The following CEP57L1 variants were observed in gnomAD, a reference collection of about 807,000 sequenced individuals.
The protein encoded by CEP57L1 is centrosomal protein 57 like 1, also known as centrosomal protein CEP57L1.
CEP57L1 carries 37 observed loss-of-function variants against 61.0 expected under a neutral mutation model. The ratio of observed to expected loss-of-function variants is 0.61; its 90% CI spans 0.47 to 0.80. CEP57L1 has a LOEUF of 0.80. Ranked by LOEUF, CEP57L1 falls within the 30% of genes least tolerant of loss-of-function variation. The probability of loss-of-function intolerance (pLI) is 0.00; values close to 1 mark genes in which losing one functional copy is unlikely to be tolerated. For synonymous variants in CEP57L1, 137 were observed against 162.3 expected, an observed-to-expected ratio of 0.84 and a Z score of 1.19; for missense variants, 422 against 524.7, an observed-to-expected ratio of 0.80 and a Z score of 1.91.
In CEP57L1 at chr6:109,147,524, T is replaced by C. The variant is rs181445334; in HGVS notation, c.340+587T>C. Among the ~76,000 whole-genome samples the C allele has an allele frequency of 4.3e-4, 66 of 152,318 alleles. 1 individual carries two copies. Among genetic ancestry groups the C allele is most frequent in the Non-Finnish European group, 8.4e-4 (57 of 68,024 alleles). The stretch of plus-strand genomic sequence containing the variant: ...AAGACTTTCTTTTTCCTTTTTACAC[T>C]ACACTCATCCTCATAAACAAGGCTC... On this transcript the variant is annotated intron_variant, in intron 3 of 10. Coordinates refer to ENST00000517392, the MANE Select transcript of CEP57L1 (RefSeq NM_001271852.3).
intron 1 of CEP57L1, among the ~76,000 whole-genome samples, chr6:109,111,782 A>C (rs576556735): frequency 6.6e-6 from 1 of 152,120 alleles, no homozygotes; most frequent in East Asian, 1.9e-4. Context: ...TGAGATAATC[A>C]TGGGTTTTTT....
At chr6:109,152,561 G>A (rs1162733675) in intron 4 of CEP57L1, among the ~76,000 whole-genome samples, 2 of 151,868 alleles carry the variant, frequency 1.3e-5, no homozygotes, top group African/African-American at 4.8e-5. Flanking sequence ...GCTCCCTCAC[G>A]GTTGCCCCTA....
At chr6:109,119,885 A>T (rs1772752511) in intron 1 of CEP57L1, among the ~76,000 whole-genome samples, 2 of 152,196 alleles carry the variant, frequency 1.3e-5, no homozygotes. Flanking sequence ...GTTAAGAAAC[A>T]CTGGATATAA....
intron 1 of CEP57L1, among the ~76,000 whole-genome samples, chr6:109,100,021 G>C (rs1194936292): frequency 6.6e-6 from 1 of 152,126 alleles, no homozygotes; most frequent in African/African-American, 2.4e-5. Context: ...TACTCTTCTT[G>C]TAAATAGACC....
intron 7 of CEP57L1, chr6:109,157,703 G>A (rs1773344242): frequency 1.3e-5 from 2 of 152,310 alleles, no homozygotes; most frequent in African/African-American, 2.4e-5. Context: ...GTGAGCTAAT[G>A]GCTGACCTTG....
intron 1 of CEP57L1, among the ~76,000 whole-genome samples, chr6:109,143,134 T>C (rs911784749): frequency 2.6e-5 from 4 of 152,186 alleles, no homozygotes; most frequent in African/African-American, 9.7e-5. Flanking sequence ...TATAGAGATA[T>C]TGGTGAAACA....
chr6:109,147,284 AG>A lies in CEP57L1; in HGVS notation c.340+348del, dbSNP rs1772072702. Among the ~76,000 whole-genome samples, 2 of 152,100 alleles carry A rather than the reference AG, an allele frequency of 1.3e-5. 1 individual carries two copies. Among genetic ancestry groups the A allele is most frequent in the South Asian group, 4.1e-4 (2 of 4,834 alleles). Reference sequence around the variant, plus strand: ...TTTTATTTTATTTATTTGTATTTGCAGTTAACACTAAACTTTAGAATTTGAA... The same window carrying A: ...TTTTATTTTATTTATTTGTATTTGCATTAACACTAAACTTTAGAATTTGAA... On this transcript the variant is annotated intron_variant, in intron 3 of 10. Coordinates refer to ENST00000517392, the MANE Select transcript of CEP57L1 (RefSeq NM_001271852.3).
At chr6:109,104,419 A>C (rs1003666215) in intron 1 of CEP57L1, among the ~76,000 whole-genome samples, 3 of 152,208 alleles carry the variant, frequency 2.0e-5, no homozygotes, top group Admixed American at 1.3e-4. Flanking sequence ...AATTCGGAGA[A>C]GTGGAATTGC....
intron 1 of CEP57L1, among the ~76,000 whole-genome samples, chr6:109,115,462 T>A (rs966885983): frequency 6.6e-6 from 1 of 152,126 alleles, no homozygotes; most frequent in African/African-American, 2.4e-5. Flanking sequence ...AATGGAAAAA[T>A]GTTAACTTTA....
At chr6:109,105,489 T>A (rs1305747982) in intron 1 of CEP57L1, among the ~76,000 whole-genome samples, 2 of 152,208 alleles carry the variant, frequency 1.3e-5, no homozygotes, top group Admixed American at 6.5e-5. Flanking sequence ...AATTCCCACA[T>A]ATGTAAAAGT....
At chr6:109,130,440 C>T (rs1388213124) in intron 1 of CEP57L1, among the ~76,000 whole-genome samples, 2 of 151,992 alleles carry the variant, frequency 1.3e-5, no homozygotes, top group African/African-American at 4.8e-5. Flanking sequence ...ATTAATATTC[C>T]ATTGCTTGTA....
At chr6:109,109,731 T>A (rs1771360044) in intron 1 of CEP57L1, among the ~76,000 whole-genome samples, 2 of 152,180 alleles carry the variant, frequency 1.3e-5, no homozygotes, top group African/African-American at 4.8e-5. Context: ...GATGTTCCCC[T>A]CCCTGTGTCC....
rs1774343768 is a variant in CEP57L1 at position 109,170,353 on chromosome 6, T to C, written c.*7383T>C. Among the ~76,000 whole-genome samples the C allele has an allele frequency of 6.6e-6, 1 of 152,178 alleles. No individual in the cohort carries two copies. The highest frequency in any genetic ancestry group is 2.4e-5 in the African/African-American group (1 of 41,464). ...TTCAACCTGACTTGGCTTAATGTAG[T>C]TAAGTAAATTTTAGGATAGGTTCTA... is the stretch of plus-strand genomic sequence containing the variant. On this transcript the variant is annotated 3_prime_UTR_variant, in exon 11 of 11. Transcript: ENST00000517392.
chr6:109,169,520 A>G lies in CEP57L1; in HGVS notation c.*6550A>G, dbSNP rs188424595. ...ATGTGTTTTACAGATAACAAGTCTC[A>G]TTTTAATCAATACTGTTGCATTTCC... On this transcript the variant is annotated 3_prime_UTR_variant, in exon 11 of 11. Coordinates refer to ENST00000517392, the MANE Select transcript of CEP57L1 (RefSeq NM_001271852.3). Among the ~76,000 whole-genome samples the G allele has an allele frequency of 6.6e-6, 1 of 152,328 alleles. No individual in the cohort carries two copies. The highest frequency in any genetic ancestry group is 6.5e-5 in the Admixed American group (1 of 15,300).
In CEP57L1 at chr6:109,160,603, G is replaced by T; in HGVS notation, c.1048G>T (p.Glu350Ter). Residue 350 changes from glutamate to a stop codon, truncating the protein, a stop_gained, in exon 10 of 11, where the codon GAA becomes TAA. Transcript: ENST00000517392. LOFTEE classifies it high-confidence loss of function. The part of the protein sequence containing the change: ...EHQELLKQMK[E>*]TESHSVCDDI... ...CCAAGAACTACTGAAACAAATGAAG[G>T]AAACTGAAAGTCATTCAGTCTGTGA... is the stretch of plus-strand genomic sequence containing the variant. 6.2e-7 allele frequency: 1 copy of T among 1,604,826 alleles called. No homozygotes were observed. Among genetic ancestry groups the T allele is most frequent in the South Asian group, 1.1e-5 (1 of 88,772 alleles).
At chr6:109,124,750 T>C (rs1022958493) in intron 1 of CEP57L1, among the ~76,000 whole-genome samples, 1 of 152,184 alleles carries the variant, frequency 6.6e-6, no homozygotes, top group African/African-American at 2.4e-5. Context: ...TAGTTCAGAA[T>C]ACTACTAGTT....
chr6:109,100,146 C>G (rs530642492), intron 1 of CEP57L1: 3 of 152,080 alleles, frequency 2.0e-5, no homozygotes, highest in African/African-American at 7.2e-5. Flanking sequence ...AGAGGAACTA[C>G]TGTGCTTGTT....
intron 1 of CEP57L1, among the ~76,000 whole-genome samples, chr6:109,099,106 T>G (rs1387868464): frequency 6.6e-6 from 1 of 152,208 alleles, no homozygotes; most frequent in Admixed American, 6.5e-5. Context: ...TTGAGATGCC[T>G]CTAAGAAATT....
In CEP57L1 at chr6:109,170,397, TTTG is replaced by T. The variant is rs200058274; in HGVS notation, c.*7448_*7450del. 1.1e-4 allele frequency among the ~76,000 whole-genome samples: 16 copies of T among 152,024 alleles called. No homozygotes were observed. Among genetic ancestry groups the T allele is most frequent in the Admixed American group, 2.6e-4 (4 of 15,272 alleles). ...GGTTCTAAAAAACCTTGAGAGGCATTTTGTTGTTGTTGTTGTTGTTGTTAGTTT... is the reference window on the plus strand; with the variant it reads ...GGTTCTAAAAAACCTTGAGAGGCATTTTGTTGTTGTTGTTGTTGTTAGTTT... On this transcript the variant is annotated 3_prime_UTR_variant, in exon 11 of 11. Coordinates refer to ENST00000517392, the MANE Select transcript of CEP57L1 (RefSeq NM_001271852.3).
Sources: gnomAD v4.1 joint callset for allele counts (sites outside exome capture counted in the v4.1 genomes callset) on GRCh38, gnomAD v4.1.1 for gene constraint, MANE v1.5 for transcripts, NCBI Gene and HGNC (gene_info 2026-07-23, HGNC 2026-07-21) for gene names.